IMMP2L: variants seen among roughly 807,000 people sequenced by gnomAD.
The protein encoded by IMMP2L is mitochondrial inner membrane protease subunit 2.
A neutral mutation model predicts 19.3 loss-of-function variants in IMMP2L; 18 were observed. That is an observed-to-expected ratio of 0.93 (90% CI 0.64 to 1.38). IMMP2L has a LOEUF of 1.38. IMMP2L is among the 40% of genes most tolerant of loss of function. The pLI, the probability that IMMP2L is intolerant of heterozygous loss-of-function variation, is 0.00. For synonymous variants in IMMP2L, 76 were observed against 73.0 expected, an observed-to-expected ratio of 1.04 and a Z score of -0.21; for missense variants, 233 against 218.2, an observed-to-expected ratio of 1.07 and a Z score of -0.43.
intron 2 of IMMP2L, among the ~76,000 whole-genome samples, chr7:111,489,339 G>A (rs1464705686): frequency 1.3e-5 from 2 of 152,010 alleles, no homozygotes; most frequent in Non-Finnish European, 2.9e-5. Flanking sequence ...CACCGCGCCT[G>A]GCCTCAGCCC....
intron 3 of IMMP2L, among the ~76,000 whole-genome samples, chr7:111,416,232 C>A (rs968845393): frequency 6.6e-6 from 1 of 151,810 alleles, no homozygotes; most frequent in Non-Finnish European, 1.5e-5. Flanking sequence ...GTCACCTGTT[C>A]ACTGCATTAA....
chr7:111,402,744 T>G (rs1242724664), intron 3 of IMMP2L, among the ~76,000 whole-genome samples: 1 of 151,816 alleles, frequency 6.6e-6, no homozygotes, highest in East Asian at 1.9e-4. Context: ...CAATTTACTA[T>G]AAAATCAAAT....
chr7:111,158,833 T>G (rs1227965597), intron 3 of IMMP2L, among the ~76,000 whole-genome samples: 6 of 152,158 alleles, frequency 3.9e-5, no homozygotes, highest in Admixed American at 1.3e-4. Context: ...CCAAGCTTAA[T>G]ATAAAATCTA....
At chr7:110,950,620 GCCTTCCCATGTTCTTTGCAAC>G (rs1442330921) in intron 4 of IMMP2L, among the ~76,000 whole-genome samples, 1 of 151,288 alleles carries the variant, frequency 6.6e-6, no homozygotes, top group Non-Finnish European at 1.5e-5. Flanking sequence ...AGAAATATTA[GCCTTCCCATGTTCTTTGCAAC>G]ATTCTTCACA....
chr7:110,848,795 G>C (rs938995078), intron 5 of IMMP2L, among the ~76,000 whole-genome samples: 7 of 152,068 alleles, frequency 4.6e-5, no homozygotes, highest in Non-Finnish European at 1.0e-4. Context: ...CTAAGTGAAA[G>C]AAGCCAATCT....
At chr7:110,887,814 T>A (rs1810380819) in intron 4 of IMMP2L, among the ~76,000 whole-genome samples, 1 of 151,646 alleles carries the variant, frequency 6.6e-6, no homozygotes, top group African/African-American at 2.4e-5. Context: ...TCTCAGTAAG[T>A]GTTGGCTGAA....
At chr7:111,084,023 A>G (rs1796099072) in intron 3 of IMMP2L, among the ~76,000 whole-genome samples, 1 of 152,172 alleles carries the variant, frequency 6.6e-6, no homozygotes, top group Admixed American at 6.6e-5. Context: ...CACAAGTGTG[A>G]GCCTGACTGT....
intron 3 of IMMP2L, among the ~76,000 whole-genome samples, chr7:111,047,187 T>TTTTTTTTTG (rs1792489582): frequency 7.3e-6 from 1 of 137,848 alleles, no homozygotes; most frequent in Non-Finnish European, 1.5e-5. Flanking sequence ...TTTTTTTTTG[T>TTTTTTTTTG]TTTTTTTTTG....
At chr7:111,317,495 G>T (rs1384881030) in intron 3 of IMMP2L, among the ~76,000 whole-genome samples, 2 of 151,982 alleles carry the variant, frequency 1.3e-5, no homozygotes, top group Non-Finnish European at 2.9e-5. Context: ...AGACTCCCTA[G>T]ATATTCAGTA....
chr7:111,221,663 G>GA (rs1217607915), intron 3 of IMMP2L, among the ~76,000 whole-genome samples: 23 of 151,796 alleles, frequency 1.5e-4, no homozygotes, highest in Non-Finnish European at 1.8e-4. Context: ...TCACATGTGG[G>GA]AAAAAAATAT....
rs186180689 is a variant in IMMP2L, at chr7:111,165,841, C to A, written c.240-202276G>T. Among the ~76,000 whole-genome samples the A allele has an allele frequency of 5.9e-5, 9 of 152,034 alleles. No homozygotes were observed. In the East Asian group the frequency reaches 1.4e-3, roughly 23 times the overall value. ...AGCTCTGCCTTCTACCATTTGAAGG[C>A]CAAGCCCCCGGCAAGTTATCAGGAT... On this transcript the variant is annotated intron_variant, in intron 3 of 5. Transcript: ENST00000405709.
chr7:110,949,230 T>C (rs923082068), intron 4 of IMMP2L, among the ~76,000 whole-genome samples: 1 of 152,174 alleles, frequency 6.6e-6, no homozygotes, highest in Admixed American at 6.6e-5. Flanking sequence ...ATTGGTTTTG[T>C]CTCTCTGAAG....
chr7:111,256,625 T>C (rs1040276115), intron 3 of IMMP2L, among the ~76,000 whole-genome samples: 2 of 152,058 alleles, frequency 1.3e-5, no homozygotes, highest in African/African-American at 4.8e-5. Flanking sequence ...CCATTGTTCA[T>C]AGAGGACCAT....
At chr7:111,317,853 G>C (rs992596) in intron 3 of IMMP2L, among the ~76,000 whole-genome samples, 2 of 152,098 alleles carry the variant, frequency 1.3e-5, no homozygotes, top group African/African-American at 4.8e-5. Flanking sequence ...GAACCTGTTA[G>C]AGTTAAGTGA....
At chr7:111,084,068 T>A (rs551352343) in intron 3 of IMMP2L, among the ~76,000 whole-genome samples, 41 of 151,788 alleles carry the variant, frequency 2.7e-4, no homozygotes, top group Non-Finnish European at 5.7e-4. Flanking sequence ...CTAGAAGGTA[T>A]GAGATTGGAA....
rs191348724 is a variant in IMMP2L at position 111,335,703 on chromosome 7, T to C, written c.239+151535A>G. 8.4e-4 allele frequency among the ~76,000 whole-genome samples: 128 copies of C among 152,256 alleles called. 1 individual carries two copies. The highest frequency in any genetic ancestry group is 3.5e-3 in the Admixed American group (53 of 15,282). Reference sequence around the variant, plus strand: ...AACAGGACACTTTAAAAGAATGAGTTTGAGCTACATAAACAACATGGAAAG... The same window carrying C: ...AACAGGACACTTTAAAAGAATGAGTCTGAGCTACATAAACAACATGGAAAG... On this transcript the variant is annotated intron_variant, in intron 3 of 5. Coordinates refer to ENST00000405709, the MANE Select transcript of IMMP2L (RefSeq NM_032549.4).
At chr7:111,273,193 C>T (rs1408345343) in intron 3 of IMMP2L, among the ~76,000 whole-genome samples, 1 of 151,962 alleles carries the variant, frequency 6.6e-6, no homozygotes, top group Non-Finnish European at 1.5e-5. Context: ...AGGGGAATCG[C>T]TTGTACCCAG....
chr7:111,036,619 A>C (rs1318150000), intron 3 of IMMP2L, among the ~76,000 whole-genome samples: 1 of 152,178 alleles, frequency 6.6e-6, no homozygotes, highest in Non-Finnish European at 1.5e-5. Context: ...TCTCAAAACT[A>C]AAGTATTAAT....
At chr7:111,275,613 A>C (rs1165357893) in intron 3 of IMMP2L, among the ~76,000 whole-genome samples, 2 of 152,206 alleles carry the variant, frequency 1.3e-5, no homozygotes, top group Non-Finnish European at 2.9e-5. Flanking sequence ...AAGTTTTAAC[A>C]TACAATTTTA....
Sources: allele counts gnomAD v4.1 joint callset (sites outside exome capture counted in the v4.1 genomes callset), GRCh38; gene constraint gnomAD v4.1.1; transcripts MANE v1.5; gene names NCBI Gene and HGNC (gene_info 2026-07-23, HGNC 2026-07-21).